GSTCD: variants seen among roughly 807,000 people sequenced by gnomAD.
The protein encoded by GSTCD is glutathione S-transferase C-terminal domain containing.
In GSTCD, 44 loss-of-function variants were observed where a neutral mutation model predicts 68.3. The observed-to-expected ratio is 0.64, with a 90% CI of 0.51 to 0.83. The LOEUF (loss-of-function observed/expected upper bound fraction) is 0.83. Ranked by LOEUF, GSTCD falls within the 40% of genes least tolerant of loss-of-function variation. GSTCD has a pLI of 0.00. For synonymous variants in GSTCD, 273 were observed against 255.2 expected (o/e 1.07, Z -0.67); for missense variants, 739 against 735.9 (o/e 1.00, Z -0.05).
At chr4:105,753,528 C>T (rs1331320276) in intron 5 of GSTCD, among the ~76,000 whole-genome samples, 1 of 151,856 alleles carries the variant, frequency 6.6e-6, no homozygotes, top group African/African-American at 2.4e-5. Context: ...TCATGATGCC[C>T]TAAACAACAC....
intron 5 of GSTCD, chr4:105,820,684 A>G (rs1437891265): frequency 6.6e-6 from 1 of 151,840 alleles, no homozygotes; most frequent in Non-Finnish European, 1.5e-5. Flanking sequence ...TTTTTAGCTC[A>G]ATCTCTGTGA....
chr4:105,727,102 T>A (rs75847503), intron 4 of GSTCD, among the ~76,000 whole-genome samples: 3,439 of 151,758 alleles, frequency 0.023, 47 homozygotes, highest in Middle Eastern at 0.049. Flanking sequence ...TTTTTTTTTT[T>A]TTGTATATTC....
chr4:105,717,398 C>A (rs573080633), intron 1 of GSTCD, among the ~76,000 whole-genome samples, 195 bp from the exon 2 acceptor site: 1 of 152,210 alleles, frequency 6.6e-6, no homozygotes, highest in Non-Finnish European at 1.5e-5. Flanking sequence ...TCCTCTAATG[C>A]TAGTTAATTG....
At chr4:105,811,139 T>A (rs1405254025) in intron 5 of GSTCD, among the ~76,000 whole-genome samples, 1 of 152,180 alleles carries the variant, frequency 6.6e-6, no homozygotes, top group Non-Finnish European at 1.5e-5. Flanking sequence ...ACTGCAAGAC[T>A]CCTTAGCACT....
chr4:105,710,944 T>C (rs1732516792), intron 1 of GSTCD: 1 of 152,224 alleles, frequency 6.6e-6, no homozygotes, highest in South Asian at 2.1e-4. Context: ...CACTGGCTTT[T>C]GTTCTCTAGG....
intron 5 of GSTCD, among the ~76,000 whole-genome samples, chr4:105,772,675 G>A (rs11737561): frequency 4.6e-5 from 7 of 152,144 alleles, no homozygotes; most frequent in Non-Finnish European, 1.0e-4. Flanking sequence ...ATTTGCATAT[G>A]TTGAACCAGC....
rs533109064 is a variant in GSTCD, at chr4:105,783,521, A to G, written c.1241-39433A>G. 9.9e-5 allele frequency among the ~76,000 whole-genome samples: 15 copies of G among 152,096 alleles called. No individual in the cohort carries two copies. The East Asian group carries it at 2.9e-3, about 29-fold the overall frequency. ...CACTGTTTACATTTTTATTTTGCCCAATTTTTTTTTATCATTCATGCTCCA... is the reference window on the plus strand; with the variant it reads ...CACTGTTTACATTTTTATTTTGCCCGATTTTTTTTTATCATTCATGCTCCA... On this transcript the variant is annotated intron_variant, in intron 5 of 11. Coordinates refer to ENST00000515279, the MANE Select transcript of GSTCD (RefSeq NM_001370181.1).
chr4:105,772,150 C>T (rs1465378955), intron 5 of GSTCD, among the ~76,000 whole-genome samples: 9 of 152,144 alleles, frequency 5.9e-5, no homozygotes, highest in Admixed American at 2.0e-4. Flanking sequence ...GGAGTTCACT[C>T]ATGATTTGGC....
intron 3 of GSTCD, among the ~76,000 whole-genome samples, chr4:105,723,723 A>T (rs1411820388): frequency 2.6e-5 from 4 of 151,666 alleles, no homozygotes; most frequent in Non-Finnish European, 5.9e-5. Flanking sequence ...TATGTAAAAA[A>T]ATATATAAAT....
intron 8 of GSTCD, among the ~76,000 whole-genome samples, chr4:105,826,893 T>C (rs1723648861): frequency 6.6e-6 from 1 of 152,176 alleles, no homozygotes; most frequent in African/African-American, 2.4e-5. Flanking sequence ...AGACCTTTTA[T>C]AGTATTTCTG....
intron 5 of GSTCD, among the ~76,000 whole-genome samples, chr4:105,818,221 A>G (rs1356205219): frequency 6.6e-6 from 1 of 151,890 alleles, no homozygotes; most frequent in Non-Finnish European, 1.5e-5. Flanking sequence ...TTTATAGTAT[A>G]AAAGATTTGT....
chr4:105,722,259 A>C (rs529278889), intron 3 of GSTCD, among the ~76,000 whole-genome samples: 2 of 152,190 alleles, frequency 1.3e-5, no homozygotes, highest in East Asian at 3.9e-4. Flanking sequence ...AAAACTAAAT[A>C]CCTCTTCCTG....
chr4:105,779,142 T>A (rs558826156), intron 5 of GSTCD, among the ~76,000 whole-genome samples: 1 of 152,310 alleles, frequency 6.6e-6, no homozygotes, highest in Admixed American at 6.5e-5. Flanking sequence ...AACAGAAAAA[T>A]CCCATATTTA....
At chr4:105,818,040 T>A (rs929458523) in intron 5 of GSTCD, among the ~76,000 whole-genome samples, 1 of 151,922 alleles carries the variant, frequency 6.6e-6, no homozygotes. Context: ...CTCCTGGTAA[T>A]CTTTTCATTT....
intron 5 of GSTCD, among the ~76,000 whole-genome samples, chr4:105,747,243 A>G (rs955536057): frequency 2.0e-5 from 3 of 152,260 alleles, no homozygotes; most frequent in Non-Finnish European, 2.9e-5. Flanking sequence ...TCCAAAACAC[A>G]AAAGCTTTTT....
intron 5 of GSTCD, among the ~76,000 whole-genome samples, chr4:105,777,573 G>T (rs1164394321): frequency 3.3e-5 from 5 of 151,974 alleles, no homozygotes; most frequent in African/African-American, 2.4e-5. Context: ...AGTTACTTAG[G>T]TTCACATTTT....
chr4:105,797,277 T>C (rs1441346131), intron 5 of GSTCD, among the ~76,000 whole-genome samples: 1 of 152,090 alleles, frequency 6.6e-6, no homozygotes, highest in Non-Finnish European at 1.5e-5. Context: ...AAATAAATAA[T>C]TGGAGTAAAT....
intron 5 of GSTCD, among the ~76,000 whole-genome samples, chr4:105,737,914 C>A (rs1733510801): frequency 6.6e-6 from 1 of 152,156 alleles, no homozygotes; most frequent in African/African-American, 2.4e-5. Flanking sequence ...TTTGTGACAT[C>A]CTCATGGTAA....
intron 5 of GSTCD, among the ~76,000 whole-genome samples, chr4:105,796,125 A>G (rs1016350905): frequency 6.6e-6 from 1 of 152,236 alleles, no homozygotes; most frequent in Non-Finnish European, 1.5e-5. Context: ...ATAGTTCCAC[A>G]TGGCTGGGGA....
Sources: allele counts gnomAD v4.1 joint callset (sites outside exome capture counted in the v4.1 genomes callset), GRCh38; gene constraint gnomAD v4.1.1; transcripts MANE v1.5; gene names NCBI Gene and HGNC (gene_info 2026-07-23, HGNC 2026-07-21).